TMEM132B: variants seen among roughly 807,000 people sequenced by gnomAD.
The protein encoded by TMEM132B is transmembrane protein 132B.
In TMEM132B, 18 loss-of-function variants were observed where a neutral mutation model predicts 90.8. That is an observed-to-expected ratio of 0.20 (90% CI 0.14 to 0.29). TMEM132B has a LOEUF of 0.29. TMEM132B is among the 10% of genes least tolerant of loss of function. The pLI, the probability that TMEM132B is intolerant of heterozygous loss-of-function variation, is 1.00. For missense variants in TMEM132B, 1,096 were observed against 1,326.8 expected (o/e 0.83, Z 2.70); for synonymous variants, 504 against 523.3 (o/e 0.96, Z 0.50).
intron 5 of TMEM132B, among the ~76,000 whole-genome samples, chr12:125,589,298 C>G (rs560837207): frequency 1.3e-5 from 2 of 151,628 alleles, no homozygotes; most frequent in East Asian, 1.9e-4. Context: ...CTGGCTAACA[C>G]GGTGAAACCC....
chr12:125,523,522 G>A (rs571598249), intron 4 of TMEM132B, among the ~76,000 whole-genome samples: 1 of 151,968 alleles, frequency 6.6e-6, no homozygotes, highest in Non-Finnish European at 1.5e-5. Flanking sequence ...CATCACACTT[G>A]CAGAGATTCC....
chr12:125,561,193 T>C (rs1286827306), intron 4 of TMEM132B, among the ~76,000 whole-genome samples: 1 of 152,054 alleles, frequency 6.6e-6, no homozygotes, highest in South Asian at 2.1e-4. Flanking sequence ...TATGCAGCCA[T>C]GAAAAAGGAT....
At chr12:125,500,448 G>A (rs1349167229) in intron 3 of TMEM132B, among the ~76,000 whole-genome samples, 1 of 152,174 alleles carries the variant, frequency 6.6e-6, no homozygotes, top group Non-Finnish European at 1.5e-5. Flanking sequence ...ATTGCTAACT[G>A]TTCCCTGGGG....
intron 1 of TMEM132B, among the ~76,000 whole-genome samples, chr12:125,262,130 T>C (rs527261201): frequency 6.0e-5 from 9 of 151,248 alleles, no homozygotes; most frequent in Non-Finnish European, 1.2e-4. Context: ...AAATATTGAC[T>C]GGGCACAGTG....
chr12:125,531,343 A>G (rs1418595167), intron 4 of TMEM132B, among the ~76,000 whole-genome samples: 1 of 151,958 alleles, frequency 6.6e-6, no homozygotes, highest in African/African-American at 2.4e-5. Context: ...ATGCCACAAC[A>G]CCCGGCTGAT....
intron 4 of TMEM132B, among the ~76,000 whole-genome samples, chr12:125,569,102 C>T (rs887206055): frequency 1.3e-5 from 2 of 152,072 alleles, no homozygotes; most frequent in African/African-American, 4.8e-5. Context: ...GGGCATTGCT[C>T]TTTCTGTCTC....
In TMEM132B at chr12:125,432,827, A is replaced by C. The variant is rs190260157; in HGVS notation, c.1106+17150A>C. 2.0e-5 allele frequency among the ~76,000 whole-genome samples: 3 copies of C among 152,190 alleles called. No homozygotes were observed. In the East Asian group the frequency reaches 5.8e-4, roughly 29 times the overall value. On this transcript the variant is annotated intron_variant, in intron 3 of 8. Transcript: ENST00000682704. ...TGTTGGTGTGATGCTTGGTGCACAC[A>C]TGTCGACACTGTTTGTACTCAGATT...
intron 3 of TMEM132B, among the ~76,000 whole-genome samples, chr12:125,448,522 C>T (rs1345223094): frequency 6.6e-6 from 1 of 152,162 alleles, no homozygotes; most frequent in African/African-American, 2.4e-5. Context: ...ATCCATGATG[C>T]TGTGTATATC....
intron 1 of TMEM132B, among the ~76,000 whole-genome samples, chr12:125,293,734 T>A (rs1375010605): frequency 6.6e-6 from 1 of 152,244 alleles, no homozygotes; most frequent in Non-Finnish European, 1.5e-5. Context: ...GTATTTGCTA[T>A]TGTGAATAGT....
intron 2 of TMEM132B, among the ~76,000 whole-genome samples, chr12:125,414,875 C>T (rs866520112): frequency 2.0e-5 from 3 of 152,114 alleles, no homozygotes; most frequent in Non-Finnish European, 1.5e-5. Context: ...GAGCAGTGTA[C>T]GAAAAGAAAG....
chr12:125,255,065 C>T (rs1400547340), intron 1 of TMEM132B, among the ~76,000 whole-genome samples: 1 of 152,122 alleles, frequency 6.6e-6, no homozygotes, highest in Non-Finnish European at 1.5e-5. Flanking sequence ...TGATGATATG[C>T]GTGGAAATGC....
At chr12:125,489,793 T>C (rs1882301011) in intron 3 of TMEM132B, among the ~76,000 whole-genome samples, 1 of 152,180 alleles carries the variant, frequency 6.6e-6, no homozygotes, top group Admixed American at 6.5e-5. Flanking sequence ...ACATTAAATA[T>C]TTTCTGACTT....
chr12:125,248,553 C>G (rs1487042082), intron 1 of TMEM132B, among the ~76,000 whole-genome samples: 1 of 152,154 alleles, frequency 6.6e-6, no homozygotes, highest in Non-Finnish European at 1.5e-5. Context: ...GTGTAGAAAA[C>G]CATCTGAATG....
intron 1 of TMEM132B, among the ~76,000 whole-genome samples, chr12:125,229,518 A>G (rs755978420): frequency 9.2e-5 from 14 of 152,234 alleles, no homozygotes; most frequent in African/African-American, 2.4e-4. Context: ...GGCTAAATAC[A>G]TAAGTAAATT....
intron 7 of TMEM132B, among the ~76,000 whole-genome samples, chr12:125,652,141 C>T (rs1886937582): frequency 6.6e-6 from 1 of 152,184 alleles, no homozygotes; most frequent in Non-Finnish European, 1.5e-5. Flanking sequence ...CTTTGAGTAC[C>T]TAATATCAAT....
intron 4 of TMEM132B, among the ~76,000 whole-genome samples, chr12:125,571,768 C>T (rs1440680671): frequency 6.6e-6 from 1 of 152,156 alleles, no homozygotes; most frequent in Non-Finnish European, 1.5e-5. Context: ...ACATGATGAT[C>T]CTTTTTCTGT....
At chr12:125,417,448 G>A (rs1248821958) in intron 3 of TMEM132B, among the ~76,000 whole-genome samples, 1 of 152,136 alleles carries the variant, frequency 6.6e-6, no homozygotes, top group Admixed American at 6.5e-5. Context: ...GGTGCCTACT[G>A]GGTGGTCAGC....
At chr12:125,597,539 TA>T (rs1275978570) in intron 5 of TMEM132B, among the ~76,000 whole-genome samples, 1 of 152,258 alleles carries the variant, frequency 6.6e-6, no homozygotes, top group African/African-American at 2.4e-5. Context: ...GCAGGCACTG[TA>T]TCTATCTTTG....
chr12:125,635,570 T>C (rs1886461103), intron 5 of TMEM132B, among the ~76,000 whole-genome samples: 1 of 152,200 alleles, frequency 6.6e-6, no homozygotes, highest in Non-Finnish European at 1.5e-5. Flanking sequence ...GTTCCAAGTC[T>C]TTGCTATTGT....
Sources: allele counts gnomAD v4.1 joint callset (sites outside exome capture counted in the v4.1 genomes callset), GRCh38; gene constraint gnomAD v4.1.1; transcripts MANE v1.5; gene names NCBI Gene and HGNC (gene_info 2026-07-23, HGNC 2026-07-21).